Variants in TIAM1 observed in about 807,000 individuals in gnomAD.
TIAM1 encodes the protein TIAM Rac1 associated GEF 1.
A neutral mutation model predicts 163.5 loss-of-function variants in TIAM1; 65 were observed. The ratio of observed to expected loss-of-function variants is 0.40; its 90% CI spans 0.33 to 0.49. The LOEUF is 0.49. Ranked by LOEUF, TIAM1 falls within the 20% of genes least tolerant of loss-of-function variation. The pLI is 0.77. For missense variants in TIAM1, 1,789 were observed against 2,044.7 expected (o/e 0.87, Z 2.41); for synonymous variants, 833 against 810.1 (o/e 1.03, Z -0.48).
intron 2 of TIAM1, among the ~76,000 whole-genome samples, chr21:31,332,377 C>G (rs538076573): frequency 2.1e-4 from 32 of 152,066 alleles, no homozygotes; most frequent in Non-Finnish European, 2.1e-4. Context: ...ACTCAAGGAA[C>G]CTAAGGATGC....
At chr21:31,473,082 G>A (rs1004513612) in intron 1 of TIAM1, among the ~76,000 whole-genome samples, 1 of 152,122 alleles carries the variant, frequency 6.6e-6, no homozygotes, top group Non-Finnish European at 1.5e-5. Context: ...TGGAGTTTCA[G>A]GCATTTTCTG....
chr21:31,149,062 G>A (rs756081431), intron 19 of TIAM1, among the ~76,000 whole-genome samples: 13 of 151,850 alleles, frequency 8.6e-5, no homozygotes, highest in Non-Finnish European at 1.6e-4. Flanking sequence ...AACCAACTCA[G>A]AGAGCCTGGA....
chr21:31,271,729 C>T (rs750462960), intron 3 of TIAM1, among the ~76,000 whole-genome samples: 1 of 119,232 alleles, frequency 8.4e-6, no homozygotes, highest in Non-Finnish European at 1.7e-5. Context: ...AGGCCTAGGA[C>T]GATCCAGAGA....
At chr21:31,488,862 A>C (rs1043979954) in intron 1 of TIAM1, among the ~76,000 whole-genome samples, 1 of 152,270 alleles carries the variant, frequency 6.6e-6, no homozygotes, top group Non-Finnish European at 1.5e-5. Context: ...ACATAGATAT[A>C]TAAGAGAAAA....
chr21:31,369,634 T>C (rs7282641), intron 2 of TIAM1, among the ~76,000 whole-genome samples: 1 of 152,086 alleles, frequency 6.6e-6, no homozygotes, highest in East Asian at 1.9e-4. Context: ...GATTTGATCA[T>C]CACACATTGT....
chr21:31,187,668 T>G (rs1228453463), intron 13 of TIAM1, among the ~76,000 whole-genome samples: 3 of 152,106 alleles, frequency 2.0e-5, no homozygotes, highest in Non-Finnish European at 4.4e-5. Flanking sequence ...ATCTTATACT[T>G]CTCTGGGCTC....
chr21:31,376,037 TA>T (rs66471514), intron 2 of TIAM1, among the ~76,000 whole-genome samples: 55,195 of 149,946 alleles, frequency 0.37, 10,315 homozygotes, highest in Middle Eastern at 0.64. Context: ...AAAAAAAATT[TA>T]AAAAAAAAAG....
At chr21:31,547,521 T>C (rs1048095862) in intron 1 of TIAM1, among the ~76,000 whole-genome samples, 16 of 152,218 alleles carry the variant, frequency 1.1e-4, no homozygotes, top group African/African-American at 3.4e-4. Flanking sequence ...GTGAGGATTT[T>C]CAATCTACTT....
At chr21:31,324,234 G>C (rs1334586916) in intron 2 of TIAM1, among the ~76,000 whole-genome samples, 1 of 151,954 alleles carries the variant, frequency 6.6e-6, no homozygotes, top group East Asian at 1.9e-4. Flanking sequence ...CAATTCAGTG[G>C]ACAGACTGTG....
At chr21:31,238,834 C>T (rs543215833) in intron 6 of TIAM1, among the ~76,000 whole-genome samples, 14 of 152,260 alleles carry the variant, frequency 9.2e-5, no homozygotes, top group African/African-American at 3.4e-4. Context: ...GAAACATAGG[C>T]TTGATTTGAG....
In TIAM1 at chr21:31,458,801, C is replaced by T. The variant is rs535268970; in HGVS notation, c.-369+5182G>A. 3.3e-5 allele frequency among the ~76,000 whole-genome samples: 5 copies of T among 152,234 alleles called. No homozygotes were observed. The South Asian group carries it at 1.0e-3, about 32-fold the overall frequency. On this transcript the variant is annotated intron_variant, in intron 2 of 28. Transcript: ENST00000286827. ...GAGGGCTGCTACTTCAGCTTAGGTT[C>T]TCAGGGAAGCCTGTCCGGGGAGGCG...
intron 9 of TIAM1, among the ~76,000 whole-genome samples, chr21:31,214,201 T>G (rs2146581212): frequency 6.6e-6 from 1 of 152,130 alleles, no homozygotes; most frequent in African/African-American, 2.4e-5. Context: ...GGCATGCTCC[T>G]GTAGTCCCAG....
At chr21:31,299,232 C>T (rs1007498598) in intron 2 of TIAM1, among the ~76,000 whole-genome samples, 2 of 152,164 alleles carry the variant, frequency 1.3e-5, no homozygotes, top group Non-Finnish European at 2.9e-5. Context: ...ACTTCAATAG[C>T]TCCTTCTGGG....
At chr21:31,255,580 C>T (rs2072053359) in intron 4 of TIAM1, among the ~76,000 whole-genome samples, 1 of 152,196 alleles carries the variant, frequency 6.6e-6, no homozygotes, top group African/African-American at 2.4e-5. Flanking sequence ...CCAGTCTTCC[C>T]AGCAGTGAGG....
At chr21:31,426,672 T>C (rs2147269732) in intron 2 of TIAM1, among the ~76,000 whole-genome samples, 1 of 152,334 alleles carries the variant, frequency 6.6e-6, no homozygotes, top group African/African-American at 2.4e-5. Context: ...CATTCCACTT[T>C]GCAGAGAGTC....
intron 20 of TIAM1, among the ~76,000 whole-genome samples, chr21:31,143,785 T>TA (rs2082974233): frequency 6.6e-6 from 1 of 151,894 alleles, no homozygotes; most frequent in Admixed American, 6.6e-5. Flanking sequence ...TAGAGTGCGA[T>TA]GGCACACTGT....
Position 31,450,479 on chromosome 21 carries a change from G to C in TIAM1, c.-369+13504C>G, listed in dbSNP as rs954465655. On this transcript the variant is annotated intron_variant, in intron 2 of 28. Coordinates refer to the TIAM1 transcript ENST00000286827. ...AAGGCAGAACAGGTGCTTTCTCTCT[G>C]CACATTGCTTTCCTGGGCCTGGGAA... 1.2e-4 allele frequency among the ~76,000 whole-genome samples: 18 copies of C among 152,060 alleles called. 1 individual carries two copies.
At chr21:31,204,244 T>G (rs1053505896) in intron 11 of TIAM1, among the ~76,000 whole-genome samples, 1 of 152,160 alleles carries the variant, frequency 6.6e-6, no homozygotes, top group African/African-American at 2.4e-5. Context: ...CGCTAATAGA[T>G]AGAAATGATA....
chr21:31,377,401 C>T (rs1380210194), intron 2 of TIAM1, among the ~76,000 whole-genome samples: 1 of 152,024 alleles, frequency 6.6e-6, no homozygotes, highest in Non-Finnish European at 1.5e-5. Context: ...CGTCTGACTA[C>T]TCAACTCACT....
Sources: gnomAD v4.1 joint callset for allele counts (sites outside exome capture counted in the v4.1 genomes callset) on GRCh38, gnomAD v4.1.1 for gene constraint, MANE v1.5 for transcripts, NCBI Gene and HGNC (gene_info 2026-07-23, HGNC 2026-07-21) for gene names.